DHRS3: variants seen among roughly 807,000 people sequenced by gnomAD.
The protein encoded by DHRS3 is short-chain dehydrogenase/reductase 3.
DHRS3 carries 14 observed loss-of-function variants against 27.2 expected under a neutral mutation model. The ratio of observed to expected loss-of-function variants is 0.52; its 90% CI spans 0.34 to 0.81. The LOEUF is 0.81. DHRS3 is among the 30% of genes least tolerant of loss of function. The probability of loss-of-function intolerance (pLI) is 0.01; values close to 1 mark genes in which losing one functional copy is unlikely to be tolerated. For missense variants in DHRS3, 322 were observed against 406.2 expected (o/e 0.79, Z 1.78); for synonymous variants, 165 against 175.9 (o/e 0.94, Z 0.49).
rs1034216106 is a variant in DHRS3, at chr1:12,608,524, G to A, written c.195+8630C>T. Among the ~76,000 whole-genome samples the A allele has an allele frequency of 4.6e-5, 7 of 152,142 alleles. No individual in the cohort carries two copies. Among genetic ancestry groups the A allele is most frequent in the Non-Finnish European group, 1.0e-4 (7 of 68,032 alleles). On this transcript the variant is annotated intron_variant, in intron 1 of 5. Coordinates refer to ENST00000616661, the MANE Select transcript of DHRS3 (RefSeq NM_004753.7). This position sits in a 1 kb window ranked among gnomAD's most constrained non-coding sequence, Gnocchi z 4.1. ...GGCTGCCTTCTTTTAATTTTCAAGTGTTGGTTGATCGATGCTGGTGTCCTC... is the reference window on the plus strand; with the variant it reads ...GGCTGCCTTCTTTTAATTTTCAAGTATTGGTTGATCGATGCTGGTGTCCTC...
chr1:12,582,781 C>CCAGTCCATCCATCTATCCACCA (rs1553139295), intron 1 of DHRS3, among the ~76,000 whole-genome samples: 5 of 151,888 alleles, frequency 3.3e-5, no homozygotes, highest in Admixed American at 3.3e-4. Context: ...CTCCCGTTCA[C>CCAGTCCATCCATCTATCCACCA]CAGTCCATCC....
In DHRS3 at chr1:12,607,152, C is replaced by T. The variant is rs563515633; in HGVS notation, c.195+10002G>A. 2.6e-5 allele frequency among the ~76,000 whole-genome samples: 4 copies of T among 152,286 alleles called. No individual in the cohort carries two copies. The South Asian group carries it at 6.2e-4, about 24-fold the overall frequency. On this transcript the variant is annotated intron_variant, in intron 1 of 5. Coordinates refer to ENST00000616661, the MANE Select transcript of DHRS3 (RefSeq NM_004753.7). ...GGTCCTGCTCCACTAAGACAAGGTT[C>T]GCATTCATTCCTCTCATCAAACAAG...
chr1:12,606,376 C>T (rs1324974687), intron 1 of DHRS3, among the ~76,000 whole-genome samples: 2 of 149,456 alleles, frequency 1.3e-5, no homozygotes, highest in Admixed American at 1.3e-4. Flanking sequence ...ACAATTCTGA[C>T]TGAAAAATTA....
At chr1:12,584,537 A>C (rs1436952298) in intron 1 of DHRS3, among the ~76,000 whole-genome samples, 1 of 125,938 alleles carries the variant, frequency 7.9e-6, no homozygotes, top group Non-Finnish European at 1.6e-5. Flanking sequence ...AGTGCCCAGC[A>C]TAGCACATTC....
At chr1:12,584,632 G>A (rs1198208835) in intron 1 of DHRS3, among the ~76,000 whole-genome samples, 3 of 152,178 alleles carry the variant, frequency 2.0e-5, no homozygotes, top group South Asian at 2.1e-4. Flanking sequence ...TCTGTAAGAG[G>A]AGAGACCACC....
Position 12,617,675 on chromosome 1 carries a change from C to A in DHRS3, c.-327G>T. On this transcript the variant is annotated 5_prime_UTR_variant, in exon 1 of 6. Transcript: ENST00000616661. The stretch of plus-strand genomic sequence containing the variant: ...GCAGCCGTTTCGGCTGGGGAATTCT[C>A]AGGTAATGTTTACAGACTGACAGAG... 5.0e-6 allele frequency: 1 copy of A among 200,938 alleles called. No individual in the cohort carries two copies. The highest frequency in any genetic ancestry group is 9.5e-6 in the Non-Finnish European group (1 of 104,816). The allele number at this position is 200,938 out of a possible 1,614,324, so 12.4% of individuals were successfully genotyped here.
rs1646760667 is a variant in DHRS3 at position 12,593,185 on chromosome 1, T to C, written c.196-12519A>G. On this transcript the variant is annotated intron_variant, in intron 1 of 5. Coordinates refer to ENST00000616661, the MANE Select transcript of DHRS3 (RefSeq NM_004753.7). The surrounding 1 kb of genome is among the most constrained non-coding windows in gnomAD (Gnocchi z 4.6). ...TCACAGACTGGAATCTAGTGTTTAC[T>C]GGGATCGCAGGCCCTTCCTGGTCTG... Among the ~76,000 whole-genome samples the C allele has an allele frequency of 6.6e-6, 1 of 152,202 alleles. No homozygotes were observed. Among genetic ancestry groups the C allele is most frequent in the Non-Finnish European group, 1.5e-5 (1 of 68,034 alleles).
rs534451677 is a variant in DHRS3 at position 12,580,626 on chromosome 1, G to C, written c.236C>G (p.Thr79Arg). Residue 79 changes from threonine (T) to arginine (R), a missense_variant, in exon 2 of 6, where the codon ACG becomes AGG. Coordinates refer to ENST00000616661, the MANE Select transcript of DHRS3 (RefSeq NM_004753.7). ...GCCCATCTGCCGGATCTCCTCCGTC[G>C]TCTCCTTCAGGCATTTCTCAGTCCG... ...WGRTEKCLKE[T>R]TEEIRQMGTE... 1 of 1,614,044 alleles carries C rather than the reference G, an allele frequency of 6.2e-7. No individual in the cohort carries two copies. The highest frequency in any genetic ancestry group is 8.5e-7 in the Non-Finnish European group (1 of 1,180,026).
intron 1 of DHRS3, among the ~76,000 whole-genome samples, chr1:12,582,328 A>G (rs1646651322): frequency 6.6e-6 from 1 of 152,214 alleles, no homozygotes; most frequent in Non-Finnish European, 1.5e-5. Flanking sequence ...TAGAGTTTTA[A>G]AAGCTTTCAA....
chr1:12,604,569 T>C (rs1646857277), intron 1 of DHRS3, among the ~76,000 whole-genome samples: 1 of 152,216 alleles, frequency 6.6e-6, no homozygotes, highest in Non-Finnish European at 1.5e-5. Flanking sequence ...GAACCCTCTG[T>C]GTACTAAGCC....
chr1:12,585,271 CTG>C (rs1262423822), intron 1 of DHRS3, among the ~76,000 whole-genome samples: 1 of 52,938 alleles, frequency 1.9e-5, no homozygotes, highest in Non-Finnish European at 4.5e-5. Context: ...GTGTGTCTCT[CTG>C]TGTCTGTGTG....
intron 1 of DHRS3, among the ~76,000 whole-genome samples, chr1:12,583,652 CTCCA>C (rs1318592489): frequency 4.8e-5 from 7 of 146,596 alleles, no homozygotes; most frequent in African/African-American, 1.3e-4. Flanking sequence ...ACATACCCCA[CTCCA>C]TCCATCCATC....
intron 1 of DHRS3, among the ~76,000 whole-genome samples, chr1:12,610,163 C>T (rs1460299343): frequency 6.6e-6 from 1 of 152,118 alleles, no homozygotes; most frequent in African/African-American, 2.4e-5. Context: ...ACTGCAACCT[C>T]CGCCTCCCAG....
At position 12,586,431 on chromosome 1, in the gene DHRS3, T is replaced by C. The variant is rs1018929595; in HGVS notation, c.196-5765A>G. Among the ~76,000 whole-genome samples the C allele has an allele frequency of 1.3e-5, 2 of 151,852 alleles. No individual in the cohort carries two copies. Among genetic ancestry groups the C allele is most frequent in the African/African-American group, 4.8e-5 (2 of 41,314 alleles). On this transcript the variant is annotated intron_variant, in intron 1 of 5. Coordinates refer to ENST00000616661, the MANE Select transcript of DHRS3 (RefSeq NM_004753.7). This position sits in a 1 kb window ranked among gnomAD's most constrained non-coding sequence, Gnocchi z 5.0. ...CCCCACCCAGCCAGCCTTCTCCTGC[T>C]TCGTCTCCTCCAATGTCCACAACAG...
intron 1 of DHRS3, among the ~76,000 whole-genome samples, chr1:12,590,567 C>T (rs759520655): frequency 2.3e-4 from 35 of 152,162 alleles, no homozygotes; most frequent in Admixed American, 1.0e-3. Context: ...GCCTCGGCCT[C>T]CCAAAGTGCT....
intron 1 of DHRS3, among the ~76,000 whole-genome samples, chr1:12,605,002 G>A (rs552158221): frequency 4.0e-5 from 6 of 151,750 alleles, no homozygotes; most frequent in East Asian, 1.9e-4. Flanking sequence ...GTTTGAACCC[G>A]GGAGGAGGTG....
intron 3 of DHRS3, 166 bp from the exon 4 acceptor site, chr1:12,579,122 T>G: frequency 7.6e-7 from 1 of 1,319,214 alleles, no homozygotes; most frequent in East Asian, 2.5e-5. Flanking sequence ...ACCGAGCATA[T>G]TTCACAAAGT....
At chr1:12,605,078 CAA>C (rs36031555) in intron 1 of DHRS3, among the ~76,000 whole-genome samples, 5 of 98,394 alleles carry the variant, frequency 5.1e-5, no homozygotes, top group African/African-American at 8.1e-5. Context: ...AACTCCATCT[CAA>C]AAAAAAAAAA....
intron 1 of DHRS3, among the ~76,000 whole-genome samples, chr1:12,598,746 G>A (rs1273777027): frequency 6.6e-6 from 1 of 152,204 alleles, no homozygotes; most frequent in Non-Finnish European, 1.5e-5. Context: ...ATAAGGGTCT[G>A]TAGACTTGAA....
Sources: allele counts gnomAD v4.1 joint callset (sites outside exome capture counted in the v4.1 genomes callset), GRCh38; gene constraint gnomAD v4.1.1; non-coding constraint Gnocchi (gnomAD v3.1); transcripts MANE v1.5; gene names NCBI Gene and HGNC (gene_info 2026-07-23, HGNC 2026-07-21).